Variants in PRKCB observed in about 807,000 individuals in gnomAD.
The protein encoded by PRKCB is protein kinase C beta, also known as protein kinase C beta type.
PRKCB carries 13 observed loss-of-function variants against 81.5 expected under a neutral mutation model. The ratio of observed to expected loss-of-function variants is 0.16; its 90% CI spans 0.10 to 0.25. The LOEUF (loss-of-function observed/expected upper bound fraction) is 0.25, where lower values mean the gene tolerates loss of function less well. PRKCB is among the 10% of genes least tolerant of loss of function. The pLI, the probability that PRKCB is intolerant of heterozygous loss-of-function variation, is 1.00. For missense variants in PRKCB, 509 were observed against 875.7 expected, an observed-to-expected ratio of 0.58 and a Z score of 5.29; for synonymous variants, 335 against 321.4, an observed-to-expected ratio of 1.04 and a Z score of -0.45.
At chr16:23,904,126 G>A (rs188383422) in intron 2 of PRKCB, among the ~76,000 whole-genome samples, 1 of 152,276 alleles carries the variant, frequency 6.6e-6, no homozygotes, top group African/African-American at 2.4e-5. Flanking sequence ...CACGATGGCA[G>A]GGGGTGTGTC....
chr16:23,855,180 G>C (rs969918940), intron 2 of PRKCB, among the ~76,000 whole-genome samples: 2 of 152,124 alleles, frequency 1.3e-5, no homozygotes, highest in African/African-American at 4.8e-5. Flanking sequence ...GAGAGAGAGA[G>C]AGAGGCGTGT....
chr16:24,094,151 T>C lies in PRKCB; in HGVS notation c.687-12T>C, dbSNP rs770240439. The C allele has an allele frequency of 6.2e-7, 1 of 1,611,558 alleles. No homozygotes were observed. On this transcript the variant is annotated splice_polypyrimidine_tract_variant and intron_variant, in intron 6 of 16. Coordinates refer to ENST00000643927, the MANE Select transcript of PRKCB (RefSeq NM_002738.7). Reference sequence around the variant, plus strand: ...CAACCTCCACTGATGTCTTTTCTTTTTCTCTATGCAGTCAGCTGAAAGAAT... The same window carrying C: ...CAACCTCCACTGATGTCTTTTCTTTCTCTCTATGCAGTCAGCTGAAAGAAT...
rs144334146 is a variant in PRKCB, at chr16:24,096,531, G to A, written c.821+2234G>A. ...GTCAGATGGTGTCTGAGAAGCTACC[G>A]CTTCCTTGGGAGTCCTTAGCAAGTC... On this transcript the variant is annotated intron_variant, in intron 7 of 16. Transcript: ENST00000643927. Among the ~76,000 whole-genome samples, 1,001 of 151,436 alleles carry A rather than the reference G, an allele frequency of 6.6e-3. 8 individuals carry two copies. Among genetic ancestry groups the A allele is most frequent in the African/African-American group, 0.021 (866 of 41,246 alleles).
chr16:24,104,024 T>C (rs1329784891), intron 7 of PRKCB, among the ~76,000 whole-genome samples: 1 of 152,130 alleles, frequency 6.6e-6, no homozygotes, highest in African/African-American at 2.4e-5. Flanking sequence ...AGGCTGGTCA[T>C]GAACTCCCGA....
intron 16 of PRKCB, among the ~76,000 whole-genome samples, chr16:24,210,251 C>T (rs1299720557): frequency 6.6e-6 from 1 of 152,148 alleles, no homozygotes; most frequent in African/African-American, 2.4e-5. Flanking sequence ...TGCTCTGGCT[C>T]GTGGCCCGCT....
At chr16:24,011,571 C>T in intron 3 of PRKCB, among the ~76,000 whole-genome samples, 1 of 152,134 alleles carries the variant, frequency 6.6e-6, no homozygotes, top group Non-Finnish European at 1.5e-5. Flanking sequence ...GGCCAGAGTT[C>T]AGTGGTGCAA....
At chr16:24,192,828 G>A (rs182394758) in intron 16 of PRKCB, among the ~76,000 whole-genome samples, 1 of 152,300 alleles carries the variant, frequency 6.6e-6, no homozygotes, top group Non-Finnish European at 1.5e-5. Context: ...CCAGTGTTCT[G>A]TGTTTAATAG....
chr16:24,019,433 C>A (rs1965330140), intron 3 of PRKCB, among the ~76,000 whole-genome samples: 1 of 152,184 alleles, frequency 6.6e-6, no homozygotes, highest in South Asian at 2.1e-4. Flanking sequence ...AATATACACA[C>A]CTCAGCACCT....
At chr16:24,006,249 C>T (rs1965118922) in intron 3 of PRKCB, among the ~76,000 whole-genome samples, 1 of 152,238 alleles carries the variant, frequency 6.6e-6, no homozygotes, top group South Asian at 2.1e-4. Flanking sequence ...TCTGGAGATA[C>T]TCGAGGATTG....
intron 2 of PRKCB, among the ~76,000 whole-genome samples, chr16:23,976,304 A>G (rs1346094445): frequency 6.6e-6 from 1 of 152,076 alleles, no homozygotes; most frequent in African/African-American, 2.4e-5. Flanking sequence ...TCTCAAAAAA[A>G]CCCACAAAAA....
Position 24,072,574 on chromosome 16 carries a change from TTC to T in PRKCB, c.530-20203_530-20202del, listed in dbSNP as rs965933795. 1.8e-4 allele frequency among the ~76,000 whole-genome samples: 27 copies of T among 150,094 alleles called. No homozygotes were observed. The East Asian group carries it at 2.4e-3, about 13-fold the overall frequency. On this transcript the variant is annotated intron_variant, in intron 5 of 16. Transcript: ENST00000643927. Reference sequence around the variant, plus strand: ...CAATCTGCTTTCTTTAACTCTCTCTTTCTCTCTCTCTCTCTTTTTTTTTTGAG... The same window carrying T: ...CAATCTGCTTTCTTTAACTCTCTCTTTCTCTCTCTCTCTTTTTTTTTTGAG...
chr16:24,171,132 G>C (rs1967434252), intron 10 of PRKCB, among the ~76,000 whole-genome samples: 1 of 152,202 alleles, frequency 6.6e-6, no homozygotes, highest in South Asian at 2.1e-4. Context: ...TGTGGGGCAG[G>C]AATTTGGGAA....
At chr16:24,022,577 C>T (rs1429987108) in intron 3 of PRKCB, among the ~76,000 whole-genome samples, 2 of 151,984 alleles carry the variant, frequency 1.3e-5, no homozygotes, top group Non-Finnish European at 2.9e-5. Context: ...CTGCAAGCTC[C>T]GCCTCCCGGG....
intron 2 of PRKCB, among the ~76,000 whole-genome samples, chr16:23,847,345 T>C (rs1217571771): frequency 9.8e-6 from 1 of 102,204 alleles, no homozygotes; most frequent in African/African-American, 4.7e-5. Context: ...TCTATCTATC[T>C]ATCTATCTAT....
intron 7 of PRKCB, among the ~76,000 whole-genome samples, chr16:24,107,176 G>C (rs1466151188): frequency 6.6e-6 from 1 of 152,106 alleles, no homozygotes; most frequent in Non-Finnish European, 1.5e-5. Context: ...TCTCGTATTT[G>C]TTCCCTTTTC....
intron 2 of PRKCB, among the ~76,000 whole-genome samples, chr16:23,905,037 T>A (rs548034496): frequency 3.2e-5 from 4 of 123,854 alleles, no homozygotes; most frequent in African/African-American, 3.2e-5. Flanking sequence ...TGGTCCTTTT[T>A]TTTTCTTTTT....
chr16:23,982,689 A>T lies in PRKCB; in HGVS notation c.206-5819A>T, dbSNP rs543907311. ...AGCAATCCTCCTGCCTCGACCTCCC[A>T]AAGTGCTAGGATTATAGGTGTGAGC... On this transcript the variant is annotated intron_variant, in intron 2 of 16. Coordinates refer to ENST00000643927, the MANE Select transcript of PRKCB (RefSeq NM_002738.7). Among the ~76,000 whole-genome samples, 47 of 152,156 alleles carry T rather than the reference A, an allele frequency of 3.1e-4. No individual in the cohort carries two copies. The South Asian group carries it at 3.1e-3, about 10-fold the overall frequency.
chr16:23,905,899 C>T (rs1205072758), intron 2 of PRKCB, among the ~76,000 whole-genome samples: 1 of 109,100 alleles, frequency 9.2e-6, no homozygotes, highest in African/African-American at 2.8e-5. Context: ...CTGCCTCATA[C>T]TCCTCTAAGG....
chr16:24,204,648 A>C (rs538183009), intron 16 of PRKCB, among the ~76,000 whole-genome samples: 1 of 152,268 alleles, frequency 6.6e-6, no homozygotes, highest in East Asian at 1.9e-4. Flanking sequence ...TTTAGAGTGT[A>C]TTTCATCTAG....
Sources: allele counts gnomAD v4.1 joint callset (sites outside exome capture counted in the v4.1 genomes callset), GRCh38; gene constraint gnomAD v4.1.1; transcripts MANE v1.5; gene names NCBI Gene and HGNC (gene_info 2026-07-23, HGNC 2026-07-21).